Variants in SMARCC2 observed in about 807,000 individuals in gnomAD.
SMARCC2 encodes SWI/SNF complex subunit SMARCC2.
Under a neutral mutation model 151.3 loss-of-function variants are expected in SMARCC2, and 15 were observed. The ratio of observed to expected loss-of-function variants is 0.10; its 90% CI spans 0.07 to 0.15. The LOEUF is 0.15. SMARCC2 is among the 10% of genes least tolerant of loss of function. The pLI, the probability that SMARCC2 is intolerant of heterozygous loss-of-function variation, is 1.00. For missense variants in SMARCC2, 1,031 were observed against 1,599.7 expected (o/e 0.64, Z 6.06); for synonymous variants, 590 against 609.5 (o/e 0.97, Z 0.47).
Position 56,163,692 on chromosome 12 carries a change from C to T in SMARCC2, c.3735G>A (p.Gln1245=), listed in dbSNP as rs138328007. 40 of 1,495,434 alleles carry T rather than the reference C, an allele frequency of 2.7e-5. No individual in the cohort carries two copies. The highest frequency in any genetic ancestry group is 3.5e-5 in the Non-Finnish European group (39 of 1,127,210). 92.6% of individuals were successfully genotyped at this position (1,495,434 alleles called of 1,614,324 possible). A position where few individuals can be genotyped will look rare whatever the true frequency, so the allele number is the denominator to read the frequency against. Residue 1245 remains glutamine, a synonymous_variant, in exon 29 of 29, where the codon CAG becomes CAA. Transcript: ENST00000550164. ...GGAGAGATGTCTGGCTGGCTCCTCA[C>T]TGTGGAGGTGGCACAGGGGTGACCG... is the stretch of plus-strand genomic sequence containing the variant. ...PGTVTPVPPP[Q]
At chr12:56,178,917 T>A (rs952591931) in intron 12 of SMARCC2, 70 bp from the exon 13 acceptor site, 5 of 1,603,538 alleles carry the variant, frequency 3.1e-6, no homozygotes, top group Non-Finnish European at 4.3e-6. Context: ...CAAAAGCCCA[T>A]CAGGCTAGCG....
At chr12:56,172,915 G>A (rs2135690852) in intron 18 of SMARCC2, 22 bp downstream of exon 18, 4 of 1,607,726 alleles carry the variant, frequency 2.5e-6, no homozygotes, top group South Asian at 2.2e-5. Context: ...GAGCAGCCCA[G>A]CAGGGTCTGC....
intron 23 of SMARCC2, 23 bp from the exon 24 acceptor site, chr12:56,169,934 GGA>G: frequency 1.2e-6 from 2 of 1,610,790 alleles, no homozygotes; most frequent in Admixed American, 3.3e-5. Flanking sequence ...TGATAGAAAA[GGA>G]GAGTTATCAG....
chr12:56,187,341 T>G (rs1877451253), intron 1 of SMARCC2, 35 bp from the exon 2 acceptor site: 1 of 1,599,706 alleles, frequency 6.3e-7, no homozygotes, highest in Non-Finnish European at 8.6e-7. Flanking sequence ...GAAAAATAGA[T>G]CTCAGATAAA....
chr12:56,186,646 G>A (rs933902335), intron 2 of SMARCC2: 7 of 207,036 alleles, frequency 3.4e-5, no homozygotes, highest in Non-Finnish European at 6.9e-5. Context: ...CACCACGCCC[G>A]GCCTCAAAGC....
rs988534936 is a variant in SMARCC2 at position 56,172,879 on chromosome 12, A to G, written c.1743+58T>C. On this transcript the variant is annotated intron_variant, in intron 18 of 28. Transcript: ENST00000550164. ...GCTCTCATGTCTCTTCTTCCCGGGC[A>G]GGGGCCCCCCAATAAAGGGGAAAAT... The G allele has an allele frequency of 1.1e-5, 17 of 1,587,978 alleles. No homozygotes were observed. In the Admixed American group the frequency reaches 1.8e-4, roughly 17 times the overall value.
intron 20 of SMARCC2, 68 bp from the exon 21 acceptor site, chr12:56,172,005 T>A (rs918849375): frequency 1.4e-6 from 2 of 1,465,090 alleles, no homozygotes; most frequent in Admixed American, 2.0e-5. Flanking sequence ...ACTCCCCCCA[T>A]CCTACTAAGG....
intron 25 of SMARCC2, among the ~76,000 whole-genome samples, chr12:56,169,267 G>A (rs532727686): frequency 1.3e-5 from 2 of 152,300 alleles, no homozygotes; most frequent in East Asian, 3.9e-4. Context: ...GCAAGACTCC[G>A]TCTCAAAAGA....
intron 26 of SMARCC2, among the ~76,000 whole-genome samples, chr12:56,166,593 CTTT>C (rs543234598): frequency 2.2e-5 from 3 of 139,460 alleles, no homozygotes; most frequent in African/African-American, 2.6e-5. Context: ...TCTTTTTCTT[CTTT>C]TTTTTTTTTT....
In SMARCC2 at chr12:56,162,533, C is replaced by A. The variant is rs777430784; in HGVS notation, c.*1156G>T. 9 of 522,168 alleles carry A rather than the reference C, an allele frequency of 1.7e-5. No homozygotes were observed. The highest frequency in any genetic ancestry group is 3.6e-5 in the Admixed American group (1 of 27,650). 32.3% of individuals were successfully genotyped at this position (522,168 alleles called of 1,614,324 possible). Reference sequence around the variant, plus strand: ...GGAACCAAGAAGAACCAGTGCAGAGCCTGGAGTCACACCTGCCTTCCCGTC... The same window carrying A: ...GGAACCAAGAAGAACCAGTGCAGAGACTGGAGTCACACCTGCCTTCCCGTC... On this transcript the variant is annotated 3_prime_UTR_variant, in exon 29 of 29. Coordinates refer to ENST00000550164, the MANE Select transcript of SMARCC2 (RefSeq NM_001330288.2).
intron 1 of SMARCC2, among the ~76,000 whole-genome samples, chr12:56,188,407 C>T (rs1315265710): frequency 6.6e-6 from 1 of 152,120 alleles, no homozygotes; most frequent in Non-Finnish European, 1.5e-5. Flanking sequence ...GCTGCAAAGC[C>T]GGCAGGAAGA....
chr12:56,181,588 G>C lies in SMARCC2; in HGVS notation c.850C>G (p.Pro284Ala). 6.2e-7 allele frequency: 1 copy of C among 1,601,030 alleles called. No homozygotes were observed. Among genetic ancestry groups the C allele is most frequent in the South Asian group, 1.1e-5 (1 of 89,060 alleles). The change falls in exon 10 of 29, where the codon CCA (proline) becomes GCA (alanine). Residue 284 changes from proline (P) to alanine (A), a missense_variant. Around this residue, in one of 12 missense-constraint regions of SMARCC2, gnomAD observed 123 missense variants for 190.4 expected, o/e 0.65. Transcript: ENST00000550164. ...TTCTTGTCCCGTCGATCTGAATCTGGGCTGTTCACCTATAGGATGGAGAAT... is the reference window on the plus strand; with the variant it reads ...TTCTTGTCCCGTCGATCTGAATCTGCGCTGTTCACCTATAGGATGGAGAAT... ...AKTLTDEVNS[P>A]DSDRRDKKGG...
In SMARCC2 at chr12:56,172,000, C is replaced by T; in HGVS notation, c.1927-63G>A. The T allele has an allele frequency of 6.7e-7, 1 of 1,487,606 alleles. No homozygotes were observed. The highest frequency in any genetic ancestry group is 1.3e-5 in the South Asian group (1 of 77,496). The allele number at this position is 1,487,606 out of a possible 1,614,324, so 92.2% of individuals were successfully genotyped here. ...GCCACTTTTCTCGAAGGCTGACTCC[C>T]CCCATCCTACTAAGGGCAGCTGGTT... On this transcript the variant is annotated intron_variant, in intron 20 of 28. Transcript: ENST00000550164. This position sits in a 1 kb window ranked among gnomAD's most constrained non-coding sequence, Gnocchi z 4.2.
chr12:56,175,766 G>A (rs917229547), intron 15 of SMARCC2, among the ~76,000 whole-genome samples: 4 of 152,126 alleles, frequency 2.6e-5, no homozygotes, highest in African/African-American at 9.7e-5. Flanking sequence ...TAAGGTTGAC[G>A]TAAAGATTAA....
intron 9 of SMARCC2, 44 bp downstream of exon 9, chr12:56,181,660 A>G: frequency 6.2e-7 from 1 of 1,613,992 alleles, no homozygotes; most frequent in Non-Finnish European, 8.5e-7. Flanking sequence ...TTGTTCTGAG[A>G]CTTATGCTAA....
intron 22 of SMARCC2, 126 bp from the exon 23 acceptor site, chr12:56,170,334 G>T: frequency 1.3e-6 from 1 of 778,582 alleles, no homozygotes; most frequent in Non-Finnish European, 2.2e-6. Context: ...AAACTCCTGG[G>T]CCCACGCAAT....
intron 26 of SMARCC2, 43 bp downstream of exon 26, chr12:56,168,017 C>A: frequency 6.3e-7 from 1 of 1,590,416 alleles, no homozygotes. Context: ...CGATTTTAAA[C>A]TGAGGCACAG....
At position 56,163,575 on chromosome 12, in the gene SMARCC2, C is replaced by G; in HGVS notation, c.*114G>C. On this transcript the variant is annotated 3_prime_UTR_variant, in exon 29 of 29. Coordinates refer to ENST00000550164, the MANE Select transcript of SMARCC2 (RefSeq NM_001330288.2). ...CTTTGGAGGGGCGGAAGGAGCTTTC[C>G]TTACGTAGTGATGAACTCTCCAGGC... 1 of 553,292 alleles carries G rather than the reference C, an allele frequency of 1.8e-6. No individual in the cohort carries two copies. The highest frequency in any genetic ancestry group is 4.7e-4 in the Middle Eastern group (1 of 2,108). The allele number at this position is 553,292 out of a possible 1,614,324, so 34.3% of individuals were successfully genotyped here. A position where few individuals can be genotyped will look rare whatever the true frequency, so the allele number is the denominator to read the frequency against.
At chr12:56,183,103 G>A (rs893753366) in intron 7 of SMARCC2, among the ~76,000 whole-genome samples, 9 of 151,726 alleles carry the variant, frequency 5.9e-5, no homozygotes, top group Admixed American at 1.3e-4. Context: ...GCCTCCCCAA[G>A]TGCTGGGATT....
Sources: allele counts gnomAD v4.1 joint callset (sites outside exome capture counted in the v4.1 genomes callset), GRCh38; gene constraint gnomAD v4.1.1; regional missense constraint gnomAD v4.1.1; non-coding constraint Gnocchi (gnomAD v3.1); transcripts MANE v1.5; gene names NCBI Gene and HGNC (gene_info 2026-07-23, HGNC 2026-07-21).